Variants in ALPK2 observed in about 807,000 individuals in gnomAD.
The protein encoded by ALPK2 is alpha kinase 2.
In ALPK2, 127 loss-of-function variants were observed where a neutral mutation model predicts 163.1. That is an observed-to-expected ratio of 0.78 (90% CI 0.67 to 0.90). The LOEUF is 0.90. Ranked by LOEUF, ALPK2 falls within the 40% of genes least tolerant of loss-of-function variation. The pLI is 0.00. For missense variants in ALPK2, 2,360 were observed against 2,589.6 expected, an observed-to-expected ratio of 0.91 and a Z score of 1.92; for synonymous variants, 953 against 959.1, an observed-to-expected ratio of 0.99 and a Z score of 0.12.
intron 1 of ALPK2, among the ~76,000 whole-genome samples, chr18:58,613,777 G>A (rs1045983016): frequency 3.3e-5 from 5 of 151,226 alleles, no homozygotes; most frequent in Non-Finnish European, 7.4e-5. Context: ...CTGGGCTCAG[G>A]GCCCCGTGTG....
At chr18:58,531,337 T>C (rs2051612801) in intron 5 of ALPK2, among the ~76,000 whole-genome samples, 2 of 152,064 alleles carry the variant, frequency 1.3e-5, no homozygotes, top group South Asian at 4.2e-4. Flanking sequence ...CCTTTGGGGA[T>C]AGCAGGGTGG....
intron 4 of ALPK2, among the ~76,000 whole-genome samples, chr18:58,561,173 C>T (rs1041585575): frequency 2.0e-5 from 3 of 152,172 alleles, no homozygotes; most frequent in African/African-American, 7.2e-5. Context: ...TAAAATCTAG[C>T]AGGGGAGATA....
In ALPK2 at chr18:58,504,075, C is replaced by T; in HGVS notation, c.6103G>A (p.Gly2035Arg). The T allele has an allele frequency of 6.2e-7, 1 of 1,614,210 alleles. No homozygotes were observed. Among genetic ancestry groups the T allele is most frequent in the South Asian group, 1.1e-5 (1 of 91,086 alleles). The change falls in exon 11 of 13, where the codon GGA (glycine) becomes AGA (arginine). Residue 2035 changes from glycine (G) to arginine (R), a missense_variant. Transcript: ENST00000361673. ...CTGATGGAATACTTCACAAATTCTC[C>T]AATCAGCTCCTCCTCCACTGTAGCA... ...PYATVEEELI[G>R]EFVKYSIRDG...
intron 2 of ALPK2, among the ~76,000 whole-genome samples, chr18:58,611,275 C>T (rs2052129339): frequency 2.5e-5 from 1 of 39,322 alleles, no homozygotes; most frequent in African/African-American, 1.9e-4. Flanking sequence ...AAGACTCCAT[C>T]TCAAAAAAAA....
rs377514772 is a variant in ALPK2 at position 58,536,723 on chromosome 18, T to C, written c.3464A>G (p.Gln1155Arg). The change falls in exon 5 of 13, where the codon CAA becomes CGA. Residue 1155 changes from glutamine (Q) to arginine (R), a missense_variant. By Grantham distance (43) the Gln-to-Arg change is conservative. Coordinates refer to ENST00000361673, the MANE Select transcript of ALPK2 (RefSeq NM_052947.4). Reference sequence around the variant, plus strand: ...TGCAGCAGATGTCGTAGGCAAACTTTGTTGGAAATCAGGTGCAGAAAGAGA... The same window carrying C: ...TGCAGCAGATGTCGTAGGCAAACTTCGTTGGAAATCAGGTGCAGAAAGAGA... ...QGSLSAPDFQ[Q>R]SLPTTSAAQE... The C allele has an allele frequency of 4.3e-6, 7 of 1,614,176 alleles. No homozygotes were observed. Among genetic ancestry groups the C allele is most frequent in the Non-Finnish European group, 5.9e-6 (7 of 1,180,022 alleles).
chr18:58,566,885 T>C (rs1345132838), intron 4 of ALPK2, among the ~76,000 whole-genome samples: 1 of 152,174 alleles, frequency 6.6e-6, no homozygotes, highest in Non-Finnish European at 1.5e-5. Flanking sequence ...TGTGAGTCTT[T>C]ACAGAAATGC....
At position 58,529,062 on chromosome 18, in the gene ALPK2, T is replaced by C. The variant is rs746660136; in HGVS notation, c.5501+29A>G. On this transcript the variant is annotated intron_variant, in intron 6 of 12. Coordinates refer to ENST00000361673, the MANE Select transcript of ALPK2 (RefSeq NM_052947.4). ...TTGTGAAATAAACAAGCAACAACTGTGAAAAGTAACCAGGGAAAAACATCG... is the reference window on the plus strand; with the variant it reads ...TTGTGAAATAAACAAGCAACAACTGCGAAAAGTAACCAGGGAAAAACATCG... 1.9e-5 allele frequency: 31 copies of C among 1,613,862 alleles called. 1 individual carries two copies. The South Asian group carries it at 2.1e-4, about 11-fold the overall frequency.
Position 58,579,285 on chromosome 18 carries a change from C to T in ALPK2, c.1491G>A (p.Lys497=). The change falls in exon 4 of 13, where the codon AAG becomes AAA. Residue 497 remains lysine, a synonymous_variant. Coordinates refer to ENST00000361673, the MANE Select transcript of ALPK2 (RefSeq NM_052947.4). ...AGTTTTCTGACTCACCAGACAAGAGCTTCATCTCTGTCTCTCTTACTGATT... is the reference window on the plus strand; with the variant it reads ...AGTTTTCTGACTCACCAGACAAGAGTTTCATCTCTGTCTCTCTTACTGATT... ...MDESVRETEM[K]LLSGESENSG... is the part of the protein sequence containing the mutation. 6.2e-7 allele frequency: 1 copy of T among 1,614,182 alleles called. No homozygotes were observed. The highest frequency in any genetic ancestry group is 8.5e-7 in the Non-Finnish European group (1 of 1,180,036).
intron 12 of ALPK2, among the ~76,000 whole-genome samples, chr18:58,489,417 A>G (rs2051360047): frequency 6.6e-6 from 1 of 152,158 alleles, no homozygotes; most frequent in Non-Finnish European, 1.5e-5. Flanking sequence ...TATGGTAGGT[A>G]GCTCACGCCT....
chr18:58,514,068 G>T (rs2051508559), intron 10 of ALPK2, among the ~76,000 whole-genome samples: 1 of 152,062 alleles, frequency 6.6e-6, no homozygotes. Context: ...GGGGAAAAAA[G>T]GAGCCAGTTC....
In ALPK2 at chr18:58,536,061, G is replaced by A. The variant is rs765277775; in HGVS notation, c.4126C>T (p.Gln1376Ter). Residue 1376 changes from glutamine (Q) to a stop codon, truncating the protein, a stop_gained, in exon 5 of 13, where the codon CAG (glutamine) becomes TAG (stop). Coordinates refer to ENST00000361673, the MANE Select transcript of ALPK2 (RefSeq NM_052947.4). LOFTEE classifies it high-confidence loss of function. ...TCCATCTTGAGTTGTTTTTCCTCCT[G>A]GTCTTGACTCACATTGTTAACATTT... Reference protein sequence around the residue: ...KENVNNVSQDQEEKQLKMDHT... With the variant: ...KENVNNVSQD 6.2e-7 allele frequency: 1 copy of A among 1,614,102 alleles called. No homozygotes were observed. Among genetic ancestry groups the A allele is most frequent in the East Asian group, 2.2e-5 (1 of 44,888 alleles).
At chr18:58,619,601 G>A (rs73447270) in intron 1 of ALPK2, among the ~76,000 whole-genome samples, 3,010 of 152,140 alleles carry the variant, frequency 0.02, 106 homozygotes, top group African/African-American at 0.069. Context: ...TTGTGTTTAG[G>A]AATAACTCCA....
At chr18:58,545,768 CTG>C (rs2051714596) in intron 4 of ALPK2, among the ~76,000 whole-genome samples, 1 of 152,074 alleles carries the variant, frequency 6.6e-6, no homozygotes, top group African/African-American at 2.4e-5. Context: ...AGAAATAGCA[CTG>C]TGTCCTTCAA....
intron 12 of ALPK2, among the ~76,000 whole-genome samples, chr18:58,486,208 G>T (rs2051338119): frequency 6.6e-6 from 1 of 152,216 alleles, no homozygotes; most frequent in African/African-American, 2.4e-5. Context: ...CTCGCAGAAA[G>T]CTGGAGTCAG....
chr18:58,493,536 T>C (rs1308522699), intron 12 of ALPK2, among the ~76,000 whole-genome samples: 1 of 152,122 alleles, frequency 6.6e-6, no homozygotes, highest in Non-Finnish European at 1.5e-5. Flanking sequence ...AGGCAGAGCC[T>C]TTCTTTTGGA....
intron 6 of ALPK2, among the ~76,000 whole-genome samples, chr18:58,525,323 T>C (rs1488092356): frequency 1.3e-5 from 2 of 152,150 alleles, no homozygotes; most frequent in Non-Finnish European, 2.9e-5. Context: ...TGTGAACAAG[T>C]CCAGTTATAA....
chr18:58,591,680 T>C (rs2052015617), intron 3 of ALPK2, among the ~76,000 whole-genome samples: 1 of 152,184 alleles, frequency 6.6e-6, no homozygotes, highest in Non-Finnish European at 1.5e-5. Context: ...AGGAATAGCC[T>C]AAATGTGGAA....
chr18:58,503,432 C>T (rs1035553407), intron 11 of ALPK2, among the ~76,000 whole-genome samples: 2 of 152,198 alleles, frequency 1.3e-5, no homozygotes, highest in South Asian at 4.1e-4. Flanking sequence ...TGGCTGACGC[C>T]TGTAATCCCA....
chr18:58,539,294 G>A lies in ALPK2; in HGVS notation c.1963-1070C>T, dbSNP rs560373457. Among the ~76,000 whole-genome samples the A allele has an allele frequency of 2.0e-5, 3 of 152,230 alleles. No individual in the cohort carries two copies. The South Asian group carries it at 6.2e-4, about 32-fold the overall frequency. On this transcript the variant is annotated intron_variant, in intron 4 of 12. Coordinates refer to ENST00000361673, the MANE Select transcript of ALPK2 (RefSeq NM_052947.4). ...CAGTGGCAGGCAGACCACCTCTACAGGAAATAGAAGATTCAGGACTGCTTA... is the reference window on the plus strand; with the variant it reads ...CAGTGGCAGGCAGACCACCTCTACAAGAAATAGAAGATTCAGGACTGCTTA...
Sources: allele counts gnomAD v4.1 joint callset (sites outside exome capture counted in the v4.1 genomes callset), GRCh38; gene constraint gnomAD v4.1.1; transcripts MANE v1.5; gene names NCBI Gene and HGNC (gene_info 2026-07-23, HGNC 2026-07-21).